ASTN2: variants seen among roughly 807,000 people sequenced by gnomAD.
ASTN2 encodes astrotactin 2, also known as astrotactin-2.
In ASTN2, 54 loss-of-function variants were observed where a neutral mutation model predicts 139.8. The observed-to-expected ratio is 0.39, with a 90% CI of 0.31 to 0.48. ASTN2 has a LOEUF of 0.48. Among genes scored for constraint, ASTN2 ranks in the 20% least tolerant of loss-of-function variants. The probability of loss-of-function intolerance (pLI) is 0.95; values close to 1 mark genes in which losing one functional copy is unlikely to be tolerated. For missense variants in ASTN2, 1,565 were observed against 1,725.1 expected (o/e 0.91, Z 1.64); for synonymous variants, 756 against 719.5 (o/e 1.05, Z -0.81).
intron 1 of ASTN2, among the ~76,000 whole-genome samples, chr9:117,401,876 G>GAACA (rs144713901): frequency 1.6e-4 from 24 of 152,028 alleles, no homozygotes; most frequent in South Asian, 2.1e-4. Flanking sequence ...CTTATGAGCT[G>GAACA]AACAAACAAA....
At chr9:117,263,425 T>C (rs1564114245) in intron 2 of ASTN2, among the ~76,000 whole-genome samples, 6 of 152,200 alleles carry the variant, frequency 3.9e-5, no homozygotes. Context: ...GCAAATTCTT[T>C]AAAAAAATCC....
intron 20 of ASTN2, among the ~76,000 whole-genome samples, chr9:116,459,876 T>C (rs1023923114): frequency 6.6e-6 from 1 of 152,214 alleles, no homozygotes; most frequent in South Asian, 2.1e-4. Flanking sequence ...AGAGTTATCA[T>C]ATGACCCAGC....
intron 1 of ASTN2, among the ~76,000 whole-genome samples, chr9:117,407,608 A>C (rs1376368114): frequency 6.6e-6 from 1 of 152,234 alleles, no homozygotes; most frequent in Non-Finnish European, 1.5e-5. Context: ...TTCAGTTTTG[A>C]ATCTTGCATT....
intron 20 of ASTN2, among the ~76,000 whole-genome samples, chr9:116,479,702 A>C (rs1236296054): frequency 2.6e-5 from 4 of 152,226 alleles, no homozygotes; most frequent in African/African-American, 9.6e-5. Flanking sequence ...GGGAAGGGAC[A>C]AAGTTTGAAA....
At chr9:117,143,298 CCCTTCTTCAAGCCTGGGATGAAGAAT>C (rs1348494227) in intron 3 of ASTN2, among the ~76,000 whole-genome samples, 1 of 152,164 alleles carries the variant, frequency 6.6e-6, no homozygotes, top group Non-Finnish European at 1.5e-5. Context: ...GACATGGGGT[CCCTTCTTCAAGCCTGGGATGAAGAAT>C]CCTTCAGCTA....
intron 3 of ASTN2, among the ~76,000 whole-genome samples, chr9:117,177,734 G>A (rs1483414217): frequency 6.6e-6 from 1 of 152,198 alleles, no homozygotes; most frequent in East Asian, 1.9e-4. Context: ...GAGTGCACAA[G>A]AACTACTAGT....
chr9:117,236,001 C>A (rs1833033481), intron 2 of ASTN2, among the ~76,000 whole-genome samples: 1 of 152,118 alleles, frequency 6.6e-6, no homozygotes, highest in African/African-American at 2.4e-5. Context: ...AGCTCAGAGG[C>A]CTGGAGTTCA....
intron 13 of ASTN2, among the ~76,000 whole-genome samples, chr9:116,801,156 G>A (rs1467746738): frequency 2.0e-5 from 3 of 152,178 alleles, no homozygotes; most frequent in African/African-American, 7.2e-5. Context: ...GAGGAGGGAG[G>A]AAAGGAAGTA....
intron 2 of ASTN2, among the ~76,000 whole-genome samples, chr9:117,223,920 T>A (rs562506486): frequency 1.1e-3 from 171 of 152,306 alleles, no homozygotes; most frequent in Middle Eastern, 6.8e-3. Context: ...CTATTAGAGA[T>A]ACTATTTTAC....
chr9:116,966,328 C>T (rs980628782), intron 10 of ASTN2, among the ~76,000 whole-genome samples: 1 of 152,138 alleles, frequency 6.6e-6, no homozygotes, highest in African/African-American at 2.4e-5. Context: ...CCCCTTTATC[C>T]AGCCTGGGTC....
chr9:116,504,433 A>G (rs904313297), intron 19 of ASTN2: 1 of 152,200 alleles, frequency 6.6e-6, no homozygotes, highest in African/African-American at 2.4e-5. Flanking sequence ...AGGTCTAAGA[A>G]GAAAACCCAT....
At chr9:117,003,122 G>T (rs1392625110) in intron 7 of ASTN2, among the ~76,000 whole-genome samples, 1 of 152,302 alleles carries the variant, frequency 6.6e-6, no homozygotes, top group South Asian at 2.1e-4. Context: ...CAGGACACAA[G>T]GCAAATACAG....
At chr9:117,024,163 A>G (rs1837981932) in intron 6 of ASTN2, among the ~76,000 whole-genome samples, 1 of 152,134 alleles carries the variant, frequency 6.6e-6, no homozygotes, top group South Asian at 2.1e-4. Flanking sequence ...CTCAGCTTCT[A>G]CCTTCTCTAA....
At chr9:117,322,112 C>T (rs963093946) in intron 1 of ASTN2, among the ~76,000 whole-genome samples, 2 of 144,724 alleles carry the variant, frequency 1.4e-5, no homozygotes, top group Non-Finnish European at 3.0e-5. Flanking sequence ...CTTTATTGCT[C>T]CATAATTCAG....
At chr9:116,737,151 C>T (rs1190993351) in intron 13 of ASTN2, among the ~76,000 whole-genome samples, 1 of 152,230 alleles carries the variant, frequency 6.6e-6, no homozygotes, top group African/African-American at 2.4e-5. Context: ...ATGAACAGCC[C>T]AGCGACGGCA....
At chr9:116,918,952 T>C (rs922040634) in intron 10 of ASTN2, among the ~76,000 whole-genome samples, 1 of 152,188 alleles carries the variant, frequency 6.6e-6, no homozygotes, top group Non-Finnish European at 1.5e-5. Flanking sequence ...TCTTTTTACA[T>C]AATAAATAAA....
intron 19 of ASTN2, among the ~76,000 whole-genome samples, chr9:116,511,843 G>A (rs183911102): frequency 1.7e-4 from 26 of 152,118 alleles, no homozygotes; most frequent in African/African-American, 6.0e-4. Flanking sequence ...TGGGATTGGT[G>A]GTGATATCTC....
intron 19 of ASTN2, among the ~76,000 whole-genome samples, chr9:116,592,936 G>A (rs142714123): frequency 3.9e-4 from 59 of 152,306 alleles, no homozygotes; most frequent in African/African-American, 1.4e-3. Flanking sequence ...CTAACAATGA[G>A]CTGTGCATCA....
intron 1 of ASTN2, among the ~76,000 whole-genome samples, chr9:117,312,035 C>G (rs944130253): frequency 2.0e-4 from 31 of 152,290 alleles, no homozygotes; most frequent in Admixed American, 1.4e-3. Flanking sequence ...GTCAAGTTAC[C>G]ATTCCCTCCC....
Sources: allele counts gnomAD v4.1 joint callset (sites outside exome capture counted in the v4.1 genomes callset), GRCh38; gene constraint gnomAD v4.1.1; transcripts MANE v1.5; gene names NCBI Gene and HGNC (gene_info 2026-07-23, HGNC 2026-07-21).